LRFN5: variants seen among roughly 807,000 people sequenced by gnomAD.
The protein encoded by LRFN5 is leucine-rich repeat and fibronectin type-III domain-containing protein 5.
LRFN5 carries 24 observed loss-of-function variants against 45.6 expected under a neutral mutation model. The observed-to-expected ratio is 0.53, with a 90% CI of 0.38 to 0.74. LRFN5 has a LOEUF of 0.74. Ranked by LOEUF, LRFN5 falls within the 30% of genes least tolerant of loss-of-function variation. The pLI, the probability that LRFN5 is intolerant of heterozygous loss-of-function variation, is 0.00. For missense variants in LRFN5, 776 were observed against 861.5 expected, an observed-to-expected ratio of 0.90 and a Z score of 1.24; for synonymous variants, 340 against 313.8, an observed-to-expected ratio of 1.08 and a Z score of -0.88.
chr14:41,609,705 C>T (rs1331742865), intron 1 of LRFN5, among the ~76,000 whole-genome samples: 1 of 152,204 alleles, frequency 6.6e-6, no homozygotes, highest in Non-Finnish European at 1.5e-5. Flanking sequence ...GTTCGTTTGT[C>T]TCCCGCCTTT....
chr14:41,898,540 C>A (rs759063119), intron 4 of LRFN5, among the ~76,000 whole-genome samples: 2 of 151,860 alleles, frequency 1.3e-5, no homozygotes, highest in African/African-American at 2.4e-5. Context: ...TGTAATTTTG[C>A]ATATTATTCT....
intron 1 of LRFN5, among the ~76,000 whole-genome samples, chr14:41,741,397 T>C (rs907872336): frequency 1.3e-5 from 2 of 151,732 alleles, no homozygotes; most frequent in Non-Finnish European, 2.9e-5. Flanking sequence ...GAAGCAAACC[T>C]GACTATTTAA....
At chr14:41,857,584 G>A (rs1420923816) in intron 2 of LRFN5, among the ~76,000 whole-genome samples, 1 of 151,978 alleles carries the variant, frequency 6.6e-6, no homozygotes, top group Non-Finnish European at 1.5e-5. Context: ...TTATGTATTT[G>A]TTCGTTCATT....
chr14:41,619,090 TC>T lies in LRFN5; in HGVS notation c.-197+10530del, dbSNP rs539097241. Among the ~76,000 whole-genome samples the T allele has an allele frequency of 4.6e-5, 7 of 152,290 alleles. No individual in the cohort carries two copies. The South Asian group carries it at 1.2e-3, about 27-fold the overall frequency. On this transcript the variant is annotated intron_variant, in intron 1 of 5. Coordinates refer to ENST00000298119, the MANE Select transcript of LRFN5 (RefSeq NM_152447.5). ...CCCAAGGGAAAATTTGGCTTTTTTT[TC>T]CTCCAAGTGGTATTTGGGCTGGTTT...
intron 2 of LRFN5, among the ~76,000 whole-genome samples, chr14:41,827,608 T>C (rs1308263292): frequency 6.6e-6 from 1 of 151,908 alleles, no homozygotes; most frequent in Non-Finnish European, 1.5e-5. Flanking sequence ...CTGGGCACCA[T>C]CTGATATTAA....
At position 41,608,575 on chromosome 14, in the gene LRFN5, C is replaced by T. The variant is rs952798074; in HGVS notation, c.-197+13C>T. ...TTAGAGGCACCAGGTAACAAACCAACGATTACTCGCCTCACCCAATTTCCT... is the reference window on the plus strand; with the variant it reads ...TTAGAGGCACCAGGTAACAAACCAATGATTACTCGCCTCACCCAATTTCCT... On this transcript the variant is annotated intron_variant, in intron 1 of 5. Coordinates refer to ENST00000298119, the MANE Select transcript of LRFN5 (RefSeq NM_152447.5). 6.5e-6 allele frequency: 1 copy of T among 152,684 alleles called. No individual in the cohort carries two copies. The highest frequency in any genetic ancestry group is 2.4e-5 in the African/African-American group (1 of 41,458). The allele number at this position is 152,684 out of a possible 1,614,324, so 9.5% of individuals were successfully genotyped here.
chr14:41,901,094 T>A (rs1190702973), intron 5 of LRFN5, among the ~76,000 whole-genome samples: 1 of 152,042 alleles, frequency 6.6e-6, no homozygotes, highest in African/African-American at 2.4e-5. Flanking sequence ...AAAAGTTGAG[T>A]GGCCTTGAAA....
In LRFN5 at chr14:41,734,421, T is replaced by C. The variant is rs565491804; in HGVS notation, c.-196-32433T>C. ...GACATAATGACATCATTTTCTTTTG[T>C]ATAGTTTTCAACTTAAAGTCTATTT... On this transcript the variant is annotated intron_variant, in intron 1 of 5. Coordinates refer to ENST00000298119, the MANE Select transcript of LRFN5 (RefSeq NM_152447.5). Among the ~76,000 whole-genome samples the C allele has an allele frequency of 6.2e-5, 9 of 146,132 alleles. No homozygotes were observed. In the East Asian group the frequency reaches 1.9e-3, roughly 30 times the overall value.
At position 41,716,388 on chromosome 14, in the gene LRFN5, C is replaced by T. The variant is rs575830642; in HGVS notation, c.-196-50466C>T. 5.3e-5 allele frequency among the ~76,000 whole-genome samples: 8 copies of T among 152,250 alleles called. No individual in the cohort carries two copies. The East Asian group carries it at 7.7e-4, about 15-fold the overall frequency. On this transcript the variant is annotated intron_variant, in intron 1 of 5. Transcript: ENST00000298119. ...TTTTCAGAACTTTTATGTTCTGCTT[C>T]CCCTGTAAAACTGACTGCCTTTAAC...
intron 1 of LRFN5, among the ~76,000 whole-genome samples, chr14:41,639,869 A>G (rs985050686): frequency 2.0e-5 from 3 of 149,474 alleles, no homozygotes; most frequent in Non-Finnish European, 4.4e-5. Flanking sequence ...TGCAGCCTTG[A>G]CCTCCCTGGC....
At chr14:41,704,519 G>A (rs1176978596) in intron 1 of LRFN5, among the ~76,000 whole-genome samples, 2 of 150,854 alleles carry the variant, frequency 1.3e-5, no homozygotes, top group Non-Finnish European at 2.9e-5. Context: ...GCTATTCACA[G>A]GCAATCATAG....
intron 2 of LRFN5, among the ~76,000 whole-genome samples, chr14:41,841,073 T>C (rs762307793): frequency 6.6e-5 from 10 of 151,362 alleles, no homozygotes; most frequent in Admixed American, 2.0e-4. Flanking sequence ...TCTGTAGCAA[T>C]ATGGAAAAAA....
At chr14:41,738,400 A>T (rs1224046968) in intron 1 of LRFN5, among the ~76,000 whole-genome samples, 2 of 152,232 alleles carry the variant, frequency 1.3e-5, no homozygotes, top group Non-Finnish European at 2.9e-5. Flanking sequence ...ACCCTGGAAG[A>T]AAACCTAGGC....
At chr14:41,788,134 A>G (rs1255975231) in intron 2 of LRFN5, among the ~76,000 whole-genome samples, 1 of 152,122 alleles carries the variant, frequency 6.6e-6, no homozygotes, top group Non-Finnish European at 1.5e-5. Flanking sequence ...TAAGCTGCTC[A>G]GTCTATGATA....
chr14:41,680,353 C>G (rs1881830402), intron 1 of LRFN5, among the ~76,000 whole-genome samples: 1 of 152,174 alleles, frequency 6.6e-6, no homozygotes, highest in African/African-American at 2.4e-5. Context: ...CAGTGCATTC[C>G]TAATGGTGGT....
intron 2 of LRFN5, among the ~76,000 whole-genome samples, chr14:41,856,675 A>ATTTTTTTTTTTTTTTTTTTTTTTTTTTT (rs1555326982): frequency 2.2e-4 from 4 of 18,330 alleles, no homozygotes; most frequent in Non-Finnish European, 3.8e-4. Context: ...TATTATTATT[A>ATTTTTTTTTTTTTTTTTTTTTTTTTTTT]TTTTTTTTTT....
chr14:41,669,985 TA>T (rs11418821), intron 1 of LRFN5, among the ~76,000 whole-genome samples: 1 of 148,726 alleles, frequency 6.7e-6, no homozygotes, highest in East Asian at 2.0e-4. Flanking sequence ...AAAATATAGT[TA>T]AAAATATAGT....
chr14:41,717,051 A>G (rs754827912), intron 1 of LRFN5, among the ~76,000 whole-genome samples: 6 of 152,188 alleles, frequency 3.9e-5, no homozygotes, highest in African/African-American at 1.4e-4. Flanking sequence ...CTTTACTGCT[A>G]TAAAAACCAC....
intron 1 of LRFN5, among the ~76,000 whole-genome samples, chr14:41,704,769 G>T (rs575215336): frequency 6.6e-6 from 1 of 151,838 alleles, no homozygotes; most frequent in Non-Finnish European, 1.5e-5. Flanking sequence ...TCGTTCCTTA[G>T]TTGTATATAC....
Sources: allele counts gnomAD v4.1 joint callset (sites outside exome capture counted in the v4.1 genomes callset), GRCh38; gene constraint gnomAD v4.1.1; transcripts MANE v1.5; gene names NCBI Gene and HGNC (gene_info 2026-07-23, HGNC 2026-07-21).